Variants in RNF150 observed in about 807,000 individuals in gnomAD.
RNF150 encodes ring finger protein 150.
In RNF150, 24 loss-of-function variants were observed where a neutral mutation model predicts 39.3. That is an observed-to-expected ratio of 0.61 (90% CI 0.44 to 0.86). The LOEUF (loss-of-function observed/expected upper bound fraction) is 0.86, where lower values mean the gene tolerates loss of function less well. Among genes scored for constraint, RNF150 ranks in the 40% least tolerant of loss-of-function variants. The pLI, the probability that RNF150 is intolerant of heterozygous loss-of-function variation, is 0.00. For synonymous variants in RNF150, 255 were observed against 227.3 expected (o/e 1.12, Z -1.10); for missense variants, 502 against 587.8 (o/e 0.85, Z 1.51).
intron 1 of RNF150, among the ~76,000 whole-genome samples, chr4:141,124,740 T>G (rs1726706091): frequency 6.6e-6 from 1 of 152,232 alleles, no homozygotes; most frequent in Admixed American, 6.5e-5. Context: ...AAGCCATTTA[T>G]AACAGAGATT....
intron 1 of RNF150, among the ~76,000 whole-genome samples, chr4:141,079,976 C>G (rs1314190669): frequency 6.6e-6 from 1 of 152,186 alleles, no homozygotes; most frequent in East Asian, 1.9e-4. Context: ...AAAGCATAGT[C>G]AGGACTCCAT....
chr4:141,085,942 G>A (rs1367972101), intron 1 of RNF150, among the ~76,000 whole-genome samples: 4 of 151,486 alleles, frequency 2.6e-5, no homozygotes, highest in African/African-American at 9.7e-5. Flanking sequence ...TGAAAGAGAA[G>A]GAGGGAAGAT....
intron 1 of RNF150, among the ~76,000 whole-genome samples, chr4:141,052,565 G>T (rs1736817403): frequency 6.6e-6 from 1 of 152,062 alleles, no homozygotes; most frequent in South Asian, 2.1e-4. Flanking sequence ...TAGTAGAGAT[G>T]GGGTTTCACT....
At chr4:141,074,800 G>A (rs1056536378) in intron 1 of RNF150, among the ~76,000 whole-genome samples, 6 of 152,154 alleles carry the variant, frequency 3.9e-5, no homozygotes, top group East Asian at 1.9e-4. Context: ...GGCAAGCGAC[G>A]GATCTGAGAG....
At chr4:140,999,992 A>AAGAAG (rs1491371280) in intron 1 of RNF150, among the ~76,000 whole-genome samples, 1 of 22,422 alleles carries the variant, frequency 4.5e-5, no homozygotes, top group Non-Finnish European at 1.3e-4. Flanking sequence ...AGAAAAGAAG[A>AAGAAG]AAAGAAGAAG....
At chr4:141,027,369 T>C (rs982495204) in intron 1 of RNF150, among the ~76,000 whole-genome samples, 22 of 152,338 alleles carry the variant, frequency 1.4e-4, no homozygotes, top group African/African-American at 4.6e-4. Context: ...ATATATTTTG[T>C]TTTTTGAATA....
At chr4:141,018,328 T>C (rs1484577689) in intron 1 of RNF150, among the ~76,000 whole-genome samples, 1 of 152,160 alleles carries the variant, frequency 6.6e-6, no homozygotes, top group Non-Finnish European at 1.5e-5. Context: ...CAGATACACT[T>C]CTCCTGGTCT....
At chr4:140,997,588 A>G (rs751179021) in intron 1 of RNF150, among the ~76,000 whole-genome samples, 3 of 151,996 alleles carry the variant, frequency 2.0e-5, no homozygotes, top group Non-Finnish European at 4.4e-5. Context: ...CTTGGTTTTG[A>G]CCCTTAATCC....
chr4:140,902,638 A>C (rs1730227175), intron 6 of RNF150, among the ~76,000 whole-genome samples: 1 of 152,152 alleles, frequency 6.6e-6, no homozygotes, highest in Admixed American at 6.5e-5. Flanking sequence ...TTTGGCTTAA[A>C]TAACATGCTA....
At chr4:140,985,841 A>T (rs1054553918) in intron 1 of RNF150, among the ~76,000 whole-genome samples, 5 of 152,074 alleles carry the variant, frequency 3.3e-5, no homozygotes, top group African/African-American at 1.2e-4. Flanking sequence ...GGCCACCTAA[A>T]AATTTAAAAT....
chr4:140,958,249 G>A (rs540686739), intron 2 of RNF150, among the ~76,000 whole-genome samples: 5 of 152,094 alleles, frequency 3.3e-5, no homozygotes, highest in Admixed American at 6.6e-5. Context: ...GTAGGAGGGG[G>A]GTGCTGGACC....
chr4:141,145,754 A>G (rs953394140), intron 1 of RNF150, among the ~76,000 whole-genome samples: 16 of 152,204 alleles, frequency 1.1e-4, no homozygotes, highest in Non-Finnish European at 1.5e-5. Flanking sequence ...CCATCTCTTT[A>G]CCCAGGACAG....
intron 1 of RNF150, among the ~76,000 whole-genome samples, chr4:141,084,322 T>C (rs1401375549): frequency 6.6e-6 from 1 of 152,204 alleles, no homozygotes; most frequent in Non-Finnish European, 1.5e-5. Flanking sequence ...ATGACGAATA[T>C]ATAGGATATA....
chr4:140,928,896 GGA>G (rs1272886659), intron 4 of RNF150, among the ~76,000 whole-genome samples: 1 of 152,074 alleles, frequency 6.6e-6, no homozygotes, highest in Non-Finnish European at 1.5e-5. Context: ...CTAATTCTCT[GGA>G]GACTCCTGAC....
At chr4:140,923,015 C>G (rs1001480424) in intron 5 of RNF150, among the ~76,000 whole-genome samples, 2 of 150,766 alleles carry the variant, frequency 1.3e-5, no homozygotes, top group Admixed American at 1.3e-4. Flanking sequence ...ACCATAAAAA[C>G]CCCAGAAGAA....
intron 1 of RNF150, among the ~76,000 whole-genome samples, chr4:141,178,728 T>TG (rs1296018055): frequency 1.3e-5 from 2 of 152,182 alleles, no homozygotes; most frequent in East Asian, 3.9e-4. Flanking sequence ...TCCATGTGGA[T>TG]GCTAGTTCAT....
rs372423723 is a variant in RNF150 at position 141,058,649 on chromosome 4, G to A, written c.484+73676C>T. Among the ~76,000 whole-genome samples the A allele has an allele frequency of 1.9e-4, 29 of 152,096 alleles. No individual in the cohort carries two copies. In the East Asian group the frequency reaches 3.3e-3, roughly 17 times the overall value. The stretch of plus-strand genomic sequence containing the variant: ...CAATTATTATACTGTCCTACCCCTC[G>A]AATTCCTCATTTCAAAATAGGGGAA... On this transcript the variant is annotated intron_variant, in intron 1 of 6. Coordinates refer to ENST00000515673, the MANE Select transcript of RNF150 (RefSeq NM_020724.2).
At chr4:141,182,551 G>A (rs1727925925) in intron 1 of RNF150, among the ~76,000 whole-genome samples, 1 of 15,988 alleles carries the variant, frequency 6.3e-5, no homozygotes, top group Non-Finnish European at 1.2e-4. Context: ...CAAACAGAGA[G>A]CCAAATCATG....
At chr4:140,986,466 T>C (rs1287023008) in intron 1 of RNF150, among the ~76,000 whole-genome samples, 2 of 152,058 alleles carry the variant, frequency 1.3e-5, no homozygotes, top group Admixed American at 6.6e-5. Flanking sequence ...CTTTCCATCA[T>C]TGCAAAGCTC....
Sources: gnomAD v4.1 joint callset for allele counts (sites outside exome capture counted in the v4.1 genomes callset) on GRCh38, gnomAD v4.1.1 for gene constraint, MANE v1.5 for transcripts, NCBI Gene and HGNC (gene_info 2026-07-23, HGNC 2026-07-21) for gene names.